MGAT5B: variants seen among roughly 807,000 people sequenced by gnomAD.
The protein encoded by MGAT5B is N-acetylglucosaminyl-transferase Vb.
A neutral mutation model predicts 95.1 loss-of-function variants in MGAT5B; 54 were observed. The observed-to-expected ratio is 0.57, with a 90% CI of 0.46 to 0.71. The LOEUF is 0.71. MGAT5B is among the 30% of genes least tolerant of loss of function. The pLI is 0.00. For missense variants in MGAT5B, 935 were observed against 1,088.6 expected (o/e 0.86, Z 1.99); for synonymous variants, 464 against 451.0 (o/e 1.03, Z -0.36).
At chr17:76,932,874 C>A in intron 11 of MGAT5B, 99 bp downstream of exon 11, 1 of 1,487,158 alleles carries the variant, frequency 6.7e-7, no homozygotes. Context: ...TGCCCTCCTC[C>A]CGCCCCAGCC....
At chr17:76,946,529 G>T (rs79011010) in intron 16 of MGAT5B, 79 bp downstream of exon 16, 56,918 of 1,281,746 alleles carry the variant, frequency 0.044, 1,458 homozygotes, top group Non-Finnish European at 0.053. Context: ...TGTCTGCCCA[G>T]GGCCCTGCAC....
intron 2 of MGAT5B, among the ~76,000 whole-genome samples, chr17:76,874,995 G>C (rs1424627913): frequency 6.6e-6 from 1 of 152,108 alleles, no homozygotes; most frequent in Non-Finnish European, 1.5e-5. Context: ...ACTTTTTAAT[G>C]GGGTATCATA....
chr17:76,933,736 G>C (rs937503821), intron 12 of MGAT5B, among the ~76,000 whole-genome samples: 1 of 152,146 alleles, frequency 6.6e-6, no homozygotes, highest in East Asian at 1.9e-4. Flanking sequence ...TCTGGCTGTC[G>C]CAGGGAAACC....
intron 11 of MGAT5B, 50 bp downstream of exon 11, chr17:76,932,825 C>T (rs1406656518): frequency 1.2e-6 from 2 of 1,600,950 alleles, no homozygotes; most frequent in East Asian, 2.2e-5. Context: ...CGGCACAGGC[C>T]CCCGCCTGGG....
At chr17:76,932,469 C>A (rs1338929246) in intron 10 of MGAT5B, among the ~76,000 whole-genome samples, 176 bp from the exon 11 acceptor site, 1 of 152,024 alleles carries the variant, frequency 6.6e-6, no homozygotes, top group East Asian at 1.9e-4. Flanking sequence ...GTAGCAGTCT[C>A]CGGGAAGGGG....
Position 76,946,409 on chromosome 17 carries a change from G to T in MGAT5B, c.1882G>T (p.Glu628Ter). The T allele has an allele frequency of 1.9e-6, 3 of 1,606,840 alleles. No homozygotes were observed. Residue 628 changes from glutamate to a stop codon, truncating the protein, a stop_gained, in exon 16 of 18, where the codon GAG becomes TAG. Coordinates refer to ENST00000569840, the MANE Select transcript of MGAT5B (RefSeq NM_001199172.2). LOFTEE classifies it high-confidence loss of function. Reference protein sequence around the residue: ...DPYLPYEYTCEGMLERIHAYI... With the variant: ...DPYLPYEYTC ...CTACCTACCCTACGAGTACACCTGCGAGGGGATGCTGGAGCGGATCCACGC... is the reference window on the plus strand; with the variant it reads ...CTACCTACCCTACGAGTACACCTGCTAGGGGATGCTGGAGCGGATCCACGC...
At position 76,948,733 on chromosome 17, in the gene MGAT5B, G is replaced by A; in HGVS notation, c.2274G>A (p.Glu758=). The A allele has an allele frequency of 1.2e-6, 2 of 1,613,020 alleles. No homozygotes were observed. The highest frequency in any genetic ancestry group is 1.7e-6 in the Non-Finnish European group (2 of 1,179,740). The change falls in exon 18 of 18, where the codon GAG becomes GAA. Residue 758 remains glutamate (E), a synonymous_variant. Transcript: ENST00000569840. ...QPGQECYLQK[E]PLLFSCAGSN... is the part of the protein sequence containing the mutation. Reference sequence around the variant, plus strand: ...GCCAGGAGTGCTACCTGCAGAAGGAGCCTCTGCTCTTCAGCTGCGCCGGCT... The same window carrying A: ...GCCAGGAGTGCTACCTGCAGAAGGAACCTCTGCTCTTCAGCTGCGCCGGCT...
rs1967781861 is a variant in MGAT5B at position 76,889,232 on chromosome 17, A to C, written c.329+6934A>C. The stretch of plus-strand genomic sequence containing the variant: ...CTCGCCGTGTGACCTTGGGAAAGCC[A>C]CTATATCTGCCAGACATCCTGGGAC... On this transcript the variant is annotated intron_variant, in intron 3 of 17. Transcript: ENST00000569840. The surrounding 1 kb of genome is among the most constrained non-coding windows in gnomAD (Gnocchi z 4.4). 2.0e-5 allele frequency among the ~76,000 whole-genome samples: 3 copies of C among 152,084 alleles called. No homozygotes were observed. The highest frequency in any genetic ancestry group is 7.2e-5 in the African/African-American group (3 of 41,400).
intron 2 of MGAT5B, among the ~76,000 whole-genome samples, chr17:76,874,307 C>A (rs970393439): frequency 6.6e-6 from 1 of 151,912 alleles, no homozygotes; most frequent in Non-Finnish European, 1.5e-5. Context: ...ATGGATGTGT[C>A]GAGTCTGAAA....
intron 5 of MGAT5B, 54 bp from the exon 6 acceptor site, chr17:76,904,198 C>T: frequency 6.5e-7 from 1 of 1,537,906 alleles, no homozygotes; most frequent in South Asian, 1.2e-5. Flanking sequence ...GGGGGAGTCC[C>T]CGAGGGTCAG....
In MGAT5B at chr17:76,949,099, G is replaced by A. The variant is rs550463254; in HGVS notation, c.*261G>A. The A allele has an allele frequency of 5.1e-4, 276 of 544,308 alleles. 1 individual carries two copies. The highest frequency in any genetic ancestry group is 4.8e-3 in the African/African-American group (253 of 52,796). 33.7% of individuals were successfully genotyped at this position (544,308 alleles called of 1,614,324 possible). On this transcript the variant is annotated 3_prime_UTR_variant, in exon 18 of 18. Coordinates refer to ENST00000569840, the MANE Select transcript of MGAT5B (RefSeq NM_001199172.2). ...GAAGCATCGTGGCCAAGCAGGTGTCGGACTGCTCAGAGTCCGCATGGCCCA... is the reference window on the plus strand; with the variant it reads ...GAAGCATCGTGGCCAAGCAGGTGTCAGACTGCTCAGAGTCCGCATGGCCCA...
In MGAT5B at chr17:76,906,347, C is replaced by T. The variant is rs1968529190; in HGVS notation, c.1025+160C>T. Among the ~76,000 whole-genome samples the T allele has an allele frequency of 1.3e-5, 2 of 152,198 alleles. No individual in the cohort carries two copies. Among genetic ancestry groups the T allele is most frequent in the African/African-American group, 4.8e-5 (2 of 41,450 alleles). Reference sequence around the variant, plus strand: ...ATCCTGGTGTTCCGCAGGACATCACCACTCCTAATCCCCCTCCTCCTGCCC... The same window carrying T: ...ATCCTGGTGTTCCGCAGGACATCACTACTCCTAATCCCCCTCCTCCTGCCC... On this transcript the variant is annotated intron_variant, in intron 8 of 17. Transcript: ENST00000569840. The surrounding 1 kb of genome is among the most constrained non-coding windows in gnomAD (Gnocchi z 4.6).
intron 3 of MGAT5B, among the ~76,000 whole-genome samples, chr17:76,890,156 G>A (rs554012): frequency 0.36 from 54,813 of 152,024 alleles, 12,203 homozygotes; most frequent in African/African-American, 0.6. Context: ...AGTGAGTGGT[G>A]GATCTCAGGG....
At position 76,940,978 on chromosome 17, in the gene MGAT5B, C is replaced by A. The variant is rs1969848551; in HGVS notation, c.1848+130C>A. 8.6e-6 allele frequency: 6 copies of A among 695,352 alleles called. No homozygotes were observed. Among genetic ancestry groups the A allele is most frequent in the Non-Finnish European group, 1.5e-5 (6 of 404,854 alleles). 43.1% of individuals were successfully genotyped at this position (695,352 alleles called of 1,614,324 possible). ...GCCTGGGTTGGCAAAGGTGTCCATCCCTCCCCTGGTCAGACACAGCCCTGA... is the reference window on the plus strand; with the variant it reads ...GCCTGGGTTGGCAAAGGTGTCCATCACTCCCCTGGTCAGACACAGCCCTGA... On this transcript the variant is annotated intron_variant, in intron 15 of 17. Coordinates refer to ENST00000569840, the MANE Select transcript of MGAT5B (RefSeq NM_001199172.2). The surrounding 1 kb of genome is among the most constrained non-coding windows in gnomAD (Gnocchi z 4.3).
At chr17:76,874,277 G>A (rs965460230) in intron 2 of MGAT5B, among the ~76,000 whole-genome samples, 1 of 152,106 alleles carries the variant, frequency 6.6e-6, no homozygotes, top group African/African-American at 2.4e-5. Flanking sequence ...GTCAAACGGC[G>A]AGCACTCCAT....
intron 13 of MGAT5B, among the ~76,000 whole-genome samples, chr17:76,939,383 G>A (rs528784349): frequency 7.9e-5 from 12 of 151,862 alleles, no homozygotes; most frequent in South Asian, 4.2e-4. Context: ...GTGTGGTGGC[G>A]GGCGCCTGTA....
At chr17:76,901,389 C>T (rs1233930165) in intron 3 of MGAT5B, among the ~76,000 whole-genome samples, 4 of 143,392 alleles carry the variant, frequency 2.8e-5, no homozygotes, top group Non-Finnish European at 4.5e-5. Context: ...CAAAGGAAAC[C>T]GAATTAATGT....
At chr17:76,948,204 G>A in intron 17 of MGAT5B, 118 bp downstream of exon 17, 2 of 1,441,958 alleles carry the variant, frequency 1.4e-6, no homozygotes, top group Non-Finnish European at 1.8e-6. Flanking sequence ...GGGATGTAAT[G>A]CTTTCCAATG....
Position 76,872,833 on chromosome 17 carries a change from C to T in MGAT5B, c.69-18C>T. The T allele has an allele frequency of 5.0e-6, 8 of 1,614,220 alleles. No homozygotes were observed. Among genetic ancestry groups the T allele is most frequent in the Non-Finnish European group, 6.8e-6 (8 of 1,180,042 alleles). On this transcript the variant is annotated intron_variant, in intron 1 of 17. Transcript: ENST00000569840. Reference sequence around the variant, plus strand: ...TGGCCCTTCCTGCCCTCCTGACCCGCCTCCTTCCTCTCCGCAGGCTTTTTG... The same window carrying T: ...TGGCCCTTCCTGCCCTCCTGACCCGTCTCCTTCCTCTCCGCAGGCTTTTTG...
Sources: gnomAD v4.1 joint callset for allele counts (sites outside exome capture counted in the v4.1 genomes callset) on GRCh38, gnomAD v4.1.1 for gene constraint, Gnocchi (gnomAD v3.1) non-coding constraint, MANE v1.5 for transcripts, NCBI Gene and HGNC (gene_info 2026-07-23, HGNC 2026-07-21) for gene names.